SKAP1: variants seen among roughly 807,000 people sequenced by gnomAD.
SKAP1 encodes src kinase-associated phosphoprotein 1.
Under a neutral mutation model 58.5 loss-of-function variants are expected in SKAP1, and 44 were observed. The ratio of observed to expected loss-of-function variants is 0.75; its 90% CI spans 0.59 to 0.97. The LOEUF is 0.97. SKAP1 is among the 50% of genes least tolerant of loss of function. The pLI, the probability that SKAP1 is intolerant of heterozygous loss-of-function variation, is 0.00. For missense variants in SKAP1, 390 were observed against 435.2 expected, an observed-to-expected ratio of 0.90 and a Z score of 0.92; for synonymous variants, 127 against 149.7, an observed-to-expected ratio of 0.85 and a Z score of 1.11.
At chr17:48,262,023 G>T (rs922082100) in intron 4 of SKAP1, among the ~76,000 whole-genome samples, 2 of 152,106 alleles carry the variant, frequency 1.3e-5, no homozygotes, top group African/African-American at 4.8e-5. Flanking sequence ...TGCTGCCAAG[G>T]GTCTGCAACT....
intron 4 of SKAP1, among the ~76,000 whole-genome samples, chr17:48,220,399 C>T (rs1317216696): frequency 1.3e-5 from 2 of 152,092 alleles, no homozygotes; most frequent in East Asian, 1.9e-4. Flanking sequence ...TGCAAAAACA[C>T]GGACAATCCT....
intron 1 of SKAP1, among the ~76,000 whole-genome samples, chr17:48,398,359 TC>T (rs2067448169): frequency 6.6e-6 from 1 of 151,932 alleles, no homozygotes; most frequent in Non-Finnish European, 1.5e-5. Flanking sequence ...TGTCACTGAC[TC>T]CTGTCACTCC....
chr17:48,171,232 G>A (rs1218725864), intron 9 of SKAP1, among the ~76,000 whole-genome samples: 2 of 148,844 alleles, frequency 1.3e-5, no homozygotes, highest in East Asian at 2.0e-4. Flanking sequence ...TCAGCCTCCC[G>A]AGTAGCTGGG....
At chr17:48,386,702 T>C (rs2067281457) in intron 2 of SKAP1, among the ~76,000 whole-genome samples, 1 of 152,222 alleles carries the variant, frequency 6.6e-6, no homozygotes, top group African/African-American at 2.4e-5. Flanking sequence ...TGTCCATTTT[T>C]CTAATTAAAA....
upstream of SKAP1, among the ~76,000 whole-genome samples, chr17:48,431,938 GA>G (rs2144637669): frequency 6.6e-6 from 1 of 152,280 alleles, no homozygotes; most frequent in African/African-American, 2.4e-5. Context: ...CCCATCCAGA[GA>G]TACAGCCTCA....
intron 4 of SKAP1, among the ~76,000 whole-genome samples, chr17:48,223,453 T>C (rs2065028327): frequency 6.6e-6 from 1 of 152,218 alleles, no homozygotes; most frequent in South Asian, 2.1e-4. Context: ...ACTTTCCTAG[T>C]TGCTCCTAAA....
chr17:48,188,264 A>C (rs778477481), intron 5 of SKAP1, among the ~76,000 whole-genome samples: 1 of 152,224 alleles, frequency 6.6e-6, no homozygotes, highest in Non-Finnish European at 1.5e-5. Flanking sequence ...GACAAAGCAA[A>C]ATGATTCTCC....
At chr17:48,141,392 G>GT (rs1555589700) in intron 11 of SKAP1, among the ~76,000 whole-genome samples, 6 of 151,304 alleles carry the variant, frequency 4.0e-5, no homozygotes, top group East Asian at 1.9e-4. Context: ...TTTTGTTTTT[G>GT]TTTTTTTTGA....
chr17:48,179,882 G>A (rs1240773871), intron 9 of SKAP1, among the ~76,000 whole-genome samples, 172 bp downstream of exon 9: 2 of 152,158 alleles, frequency 1.3e-5, no homozygotes, highest in Admixed American at 6.5e-5. Context: ...CCAGAGCAAG[G>A]CAGAGCCTCA....
At chr17:48,353,648 C>G (rs982820545) in intron 3 of SKAP1, among the ~76,000 whole-genome samples, 9 of 152,062 alleles carry the variant, frequency 5.9e-5, no homozygotes, top group Admixed American at 1.3e-4. Flanking sequence ...ATAATTGCAG[C>G]ACTTTGGGAG....
At chr17:48,246,579 C>A (rs911985454) in intron 4 of SKAP1, among the ~76,000 whole-genome samples, 2 of 152,162 alleles carry the variant, frequency 1.3e-5, no homozygotes, top group South Asian at 4.1e-4. Flanking sequence ...GCTGGAAGAG[C>A]TTTAGAGACT....
intron 2 of SKAP1, among the ~76,000 whole-genome samples, chr17:48,366,189 T>C (rs1303829360): frequency 6.6e-6 from 1 of 152,136 alleles, no homozygotes; most frequent in Non-Finnish European, 1.5e-5. Flanking sequence ...TTCTTTAGTG[T>C]GTGACAAATT....
At chr17:48,415,059 T>C (rs1027904119) in intron 1 of SKAP1, among the ~76,000 whole-genome samples, 3 of 152,218 alleles carry the variant, frequency 2.0e-5, no homozygotes, top group Admixed American at 2.0e-4. Context: ...AGGGTTTTTG[T>C]TGATATATGT....
rs765268005 is a variant in SKAP1 at position 48,182,391 on chromosome 17, T to C, written c.631+3A>G. The stretch of plus-strand genomic sequence containing the variant: ...GTATTATTTCTGTAACAATGACACT[T>C]ACCCTTTAACAAGAAACTTATTTGA... On this transcript the variant is annotated splice_donor_region_variant and intron_variant, in intron 8 of 12. Coordinates refer to ENST00000336915, the MANE Select transcript of SKAP1 (RefSeq NM_003726.4). 1.3e-6 allele frequency: 2 copies of C among 1,596,948 alleles called. No individual in the cohort carries two copies. Among genetic ancestry groups the C allele is most frequent in the Non-Finnish European group, 8.6e-7 (1 of 1,166,856 alleles).
At chr17:48,176,256 C>G (rs2143418652) in intron 9 of SKAP1, among the ~76,000 whole-genome samples, 1 of 152,318 alleles carries the variant, frequency 6.6e-6, no homozygotes, top group East Asian at 1.9e-4. Flanking sequence ...TGAAATCTCT[C>G]TAGAGAACAC....
At chr17:48,247,803 C>T (rs992608977) in intron 4 of SKAP1, among the ~76,000 whole-genome samples, 1 of 152,146 alleles carries the variant, frequency 6.6e-6, no homozygotes, top group Non-Finnish European at 1.5e-5. Context: ...TACTTCTTTC[C>T]TGGAATCTCT....
At chr17:48,209,847 G>A (rs1418185636) in intron 4 of SKAP1, among the ~76,000 whole-genome samples, 1 of 152,180 alleles carries the variant, frequency 6.6e-6, no homozygotes, top group Non-Finnish European at 1.5e-5. Context: ...CTTAAATGGT[G>A]TGTGTTTAAG....
intron 4 of SKAP1, among the ~76,000 whole-genome samples, chr17:48,203,376 C>T (rs1167628127): frequency 1.3e-5 from 2 of 152,126 alleles, no homozygotes; most frequent in Non-Finnish European, 2.9e-5. Flanking sequence ...TTGGTATAGA[C>T]GGATGAAATA....
rs940987379 is a variant in SKAP1 at position 48,142,824 on chromosome 17, G to A, written c.979-5487C>T. The stretch of plus-strand genomic sequence containing the variant: ...ACCTTCTTTTCTTGTTTTGTTTTTT[G>A]AGACAGGGTTTCGCTCTGTTGCCCA... On this transcript the variant is annotated intron_variant, in intron 11 of 12. Coordinates refer to ENST00000336915, the MANE Select transcript of SKAP1 (RefSeq NM_003726.4). Among the ~76,000 whole-genome samples, 3 of 151,996 alleles carry A rather than the reference G, an allele frequency of 2.0e-5. No individual in the cohort carries two copies. The East Asian group carries it at 5.8e-4, about 29-fold the overall frequency.
Sources: gnomAD v4.1 joint callset for allele counts (sites outside exome capture counted in the v4.1 genomes callset) on GRCh38, gnomAD v4.1.1 for gene constraint, MANE v1.5 for transcripts, NCBI Gene and HGNC (gene_info 2026-07-23, HGNC 2026-07-21) for gene names.